Variants in DNAH9 observed in about 807,000 individuals in gnomAD.
DNAH9 encodes the protein DNAH9 variant protein.
DNAH9 carries 345 observed loss-of-function variants against 471.6 expected under a neutral mutation model. The observed-to-expected ratio is 0.73, with a 90% CI of 0.67 to 0.80. The LOEUF is 0.80. Ranked by LOEUF, DNAH9 falls within the 30% of genes least tolerant of loss-of-function variation. The probability of loss-of-function intolerance (pLI) is 0.00; values close to 1 mark genes in which losing one functional copy is unlikely to be tolerated. For synonymous variants in DNAH9, 2,093 were observed against 2,123.6 expected (o/e 0.99, Z 0.40); for missense variants, 5,407 against 5,609.2 (o/e 0.96, Z 1.15).
At chr17:11,788,621 G>T (rs1269662204) in intron 41 of DNAH9, among the ~76,000 whole-genome samples, 1 of 151,750 alleles carries the variant, frequency 6.6e-6, no homozygotes, top group Admixed American at 6.6e-5. Flanking sequence ...ATATCACTTT[G>T]TATCTTTGTT....
chr17:11,942,439 C>G lies in DNAH9; in HGVS notation c.12797C>G (p.Thr4266Ser), dbSNP rs764717107. 1.2e-6 allele frequency: 2 copies of G among 1,614,000 alleles called. No individual in the cohort carries two copies. Among genetic ancestry groups the G allele is most frequent in the African/African-American group, 2.7e-5 (2 of 74,910 alleles). ...GAGTGTGGCCGGATGAATATCCTCACCAGAGAGATTCAGCGCTCACTGAGG... is the reference window on the plus strand; with the variant it reads ...GAGTGTGGCCGGATGAATATCCTCAGCAGAGAGATTCAGCGCTCACTGAGG... ...FQECGRMNIL[T>S]REIQRSLREL... is the part of the protein sequence containing the mutation. The change falls in exon 67 of 69, where the codon ACC (threonine) becomes AGC (serine). Residue 4266 changes from threonine to serine, a missense_variant. This residue lies in a region of DNAH9 where 4,636 missense variants were observed against 4,900.3 expected (regional missense o/e 0.95). Coordinates refer to ENST00000262442, the MANE Select transcript of DNAH9 (RefSeq NM_001372.4).
At chr17:11,963,708 T>G (rs1976447648) in intron 68 of DNAH9, among the ~76,000 whole-genome samples, 1 of 152,192 alleles carries the variant, frequency 6.6e-6, no homozygotes, top group Non-Finnish European at 1.5e-5. Context: ...GAAAATTTTG[T>G]TGAGACATGT....
intron 61 of DNAH9, among the ~76,000 whole-genome samples, chr17:11,912,142 C>T (rs1282622999): frequency 2.6e-5 from 4 of 152,208 alleles, no homozygotes; most frequent in Non-Finnish European, 2.9e-5. Flanking sequence ...CTCAGCCTCC[C>T]GAGTAGCTGG....
In DNAH9 at chr17:11,932,635, C is replaced by T. The variant is rs1244110570; in HGVS notation, c.12297+430C>T. On this transcript the variant is annotated intron_variant, in intron 64 of 68. Coordinates refer to ENST00000262442, the MANE Select transcript of DNAH9 (RefSeq NM_001372.4). This position sits in a 1 kb window ranked among gnomAD's most constrained non-coding sequence, Gnocchi z 4.3. ...GGGGCATGAGCACACAGAAGGGCTG[C>T]ACCCCACACAGGTGGGATGAGGCAG... Among the ~76,000 whole-genome samples, 2 of 152,208 alleles carry T rather than the reference C, an allele frequency of 1.3e-5. No individual in the cohort carries two copies. Among genetic ancestry groups the T allele is most frequent in the Non-Finnish European group, 2.9e-5 (2 of 68,038 alleles).
chr17:11,811,284 G>A (rs1969889291), intron 45 of DNAH9, among the ~76,000 whole-genome samples: 1 of 151,870 alleles, frequency 6.6e-6, no homozygotes, highest in African/African-American at 2.4e-5. Flanking sequence ...CCGCACTCCA[G>A]CCTGGGCGAC....
At chr17:11,824,060 T>C (rs1221256219) in intron 48 of DNAH9, among the ~76,000 whole-genome samples, 1 of 152,110 alleles carries the variant, frequency 6.6e-6, no homozygotes, top group Non-Finnish European at 1.5e-5. Flanking sequence ...CCCTTGGGAG[T>C]TGGGGCCAAC....
chr17:11,626,883 C>T lies in DNAH9; in HGVS notation c.1351-2534C>T, dbSNP rs1404172244. ...TATAGGCAAGTCAAAGAACAAACAG[C>T]ATACATTCTTTCACTCAACAAATGT... On this transcript the variant is annotated intron_variant, in intron 6 of 68. Transcript: ENST00000262442. This position sits in a 1 kb window ranked among gnomAD's most constrained non-coding sequence, Gnocchi z 4.3. Among the ~76,000 whole-genome samples, 1 of 152,108 alleles carries T rather than the reference C, an allele frequency of 6.6e-6. No individual in the cohort carries two copies. The highest frequency in any genetic ancestry group is 1.5e-5 in the Non-Finnish European group (1 of 68,026).
intron 2 of DNAH9, among the ~76,000 whole-genome samples, chr17:11,609,780 A>G (rs561478543): frequency 6.5e-4 from 99 of 152,338 alleles, no homozygotes; most frequent in African/African-American, 2.2e-3. Context: ...TGGGAATTCT[A>G]TTCTTCACTG....
intron 43 of DNAH9, among the ~76,000 whole-genome samples, chr17:11,802,014 G>GA (rs1470839577): frequency 6.6e-6 from 1 of 152,172 alleles, no homozygotes; most frequent in Non-Finnish European, 1.5e-5. Flanking sequence ...AAATAACTGG[G>GA]AAAATGAACT....
intron 1 of DNAH9, among the ~76,000 whole-genome samples, chr17:11,606,133 C>T (rs2072498865): frequency 6.6e-6 from 1 of 152,118 alleles, no homozygotes; most frequent in African/African-American, 2.4e-5. Context: ...CCTTTTTGAG[C>T]TCCCTTTACT....
At chr17:11,618,336 C>T (rs1336375329) in intron 5 of DNAH9, among the ~76,000 whole-genome samples, 1 of 151,970 alleles carries the variant, frequency 6.6e-6, no homozygotes, top group Non-Finnish European at 1.5e-5. Context: ...GCCTGTAATC[C>T]CAGCATTTTG....
At chr17:11,943,987 T>C (rs951327671) in intron 67 of DNAH9, among the ~76,000 whole-genome samples, 2 of 152,212 alleles carry the variant, frequency 1.3e-5, no homozygotes, top group African/African-American at 4.8e-5. Context: ...TTGAAAGGCT[T>C]ATGGAACTTG....
In DNAH9 at chr17:11,769,263, G is replaced by A. The variant is rs1968100296; in HGVS notation, c.7486G>A (p.Asp2496Asn). The A allele has an allele frequency of 6.2e-7, 1 of 1,614,108 alleles. No individual in the cohort carries two copies. The highest frequency in any genetic ancestry group is 2.2e-5 in the East Asian group (1 of 44,854). ...VLVGAKLASL[D>N]PEAYLVKNVP... ...GGTGGGAGCTAAGCTGGCCAGCCTTGACCCCGAGGCATACCTGGTGAAAAA... is the reference window on the plus strand; with the variant it reads ...GGTGGGAGCTAAGCTGGCCAGCCTTAACCCCGAGGCATACCTGGTGAAAAA... The change falls in exon 38 of 69, where the codon GAC (aspartate) becomes AAC (asparagine). Residue 2496 changes from aspartate (D) to asparagine (N), a missense_variant. Physicochemically the swap from Asp to Asn is conservative, Grantham distance 23. Coordinates refer to ENST00000262442, the MANE Select transcript of DNAH9 (RefSeq NM_001372.4).
chr17:11,828,834 C>T (rs1970591307), intron 48 of DNAH9, among the ~76,000 whole-genome samples: 1 of 152,158 alleles, frequency 6.6e-6, no homozygotes, highest in Non-Finnish European at 1.5e-5. Context: ...TGGGTTCCAT[C>T]CTTGAATTAT....
intron 11 of DNAH9, 101 bp downstream of exon 11, chr17:11,644,800 A>G (rs2073348670): frequency 3.7e-6 from 3 of 812,450 alleles, no homozygotes; most frequent in Non-Finnish European, 6.1e-6. Context: ...GCTCCGAAGT[A>G]TCACTCTATG....
At chr17:11,598,965 GAGGAGGAGCCTTAAGGGACGGAGGC>G in intron 1 of DNAH9, 50 bp downstream of exon 1, 1 of 1,309,988 alleles carries the variant, frequency 7.6e-7, no homozygotes, top group Non-Finnish European at 1.0e-6. Context: ...TGGGGGAGGG[GAGGAGGAGCCTTAAGGGACGGAGGC>G]GGGGCCAGAG....
Position 11,930,240 on chromosome 17 carries a change from T to C in DNAH9, c.12105+147T>C. ...CTGATGTGGGTAAAATGTTCCCACCTGATGCCCACTCAGGGCAACCCCACT... is the reference window on the plus strand; with the variant it reads ...CTGATGTGGGTAAAATGTTCCCACCCGATGCCCACTCAGGGCAACCCCACT... On this transcript the variant is annotated intron_variant, in intron 63 of 68. Coordinates refer to ENST00000262442, the MANE Select transcript of DNAH9 (RefSeq NM_001372.4). The C allele has an allele frequency of 3.0e-5, 21 of 694,502 alleles. No homozygotes were observed. The South Asian group carries it at 4.1e-4, about 14-fold the overall frequency. 43.0% of individuals were successfully genotyped at this position (694,502 alleles called of 1,614,324 possible).
At chr17:11,942,146 T>C (rs765814151) in intron 66 of DNAH9, among the ~76,000 whole-genome samples, 157 bp from the exon 67 acceptor site, 10 of 152,200 alleles carry the variant, frequency 6.6e-5, no homozygotes, top group East Asian at 1.9e-4. Flanking sequence ...CCTGACCTAG[T>C]TGACCTCGAC....
chr17:11,854,223 C>G lies in DNAH9; in HGVS notation c.9728C>G (p.Pro3243Arg), dbSNP rs532239091. 7.4e-6 allele frequency: 12 copies of G among 1,614,164 alleles called. No homozygotes were observed. The highest frequency in any genetic ancestry group is 8.5e-6 in the Non-Finnish European group (10 of 1,180,032). ...GAGAACTGCCTCAAAGCCATCAGGC[C>G]GTATCTGCAAGACCCCGAGTTCAAT... is the stretch of plus-strand genomic sequence containing the variant. The part of the protein sequence containing the change: ...IHENCLKAIR[P>R]YLQDPEFNPE... The change falls in exon 50 of 69, where the codon CCG (proline) becomes CGG (arginine). Residue 3243 changes from proline to arginine, a missense_variant. Around this residue, in one of 3 missense-constraint regions of DNAH9, gnomAD observed 4,636 missense variants for 4,900.3 expected, o/e 0.95. Coordinates refer to ENST00000262442, the MANE Select transcript of DNAH9 (RefSeq NM_001372.4).
Sources: gnomAD v4.1 joint callset for allele counts (sites outside exome capture counted in the v4.1 genomes callset) on GRCh38, gnomAD v4.1.1 for gene constraint, gnomAD v4.1.1 regional missense constraint, Gnocchi (gnomAD v3.1) non-coding constraint, MANE v1.5 for transcripts, NCBI Gene and HGNC (gene_info 2026-07-23, HGNC 2026-07-21) for gene names.